The following GPC5 variants were observed in gnomAD, a reference collection of about 807,000 sequenced individuals.
The protein encoded by GPC5 is glypican 5.
A neutral mutation model predicts 53.9 loss-of-function variants in GPC5; 47 were observed. The observed-to-expected ratio is 0.87, with a 90% confidence interval of 0.69 to 1.11. The LOEUF (loss-of-function observed/expected upper bound fraction) is 1.11, where lower values mean the gene tolerates loss of function less well. GPC5 is among the 50% of genes most tolerant of loss of function. The probability of loss-of-function intolerance (pLI) is 0.00; values close to 1 mark genes in which losing one functional copy is unlikely to be tolerated. For synonymous variants in GPC5, 286 were observed against 263.3 expected, an observed-to-expected ratio of 1.09 and a Z score of -0.84; for missense variants, 748 against 713.1, an observed-to-expected ratio of 1.05 and a Z score of -0.56.
At chr13:92,797,716 A>G (rs1228272411) in intron 7 of GPC5, among the ~76,000 whole-genome samples, 1 of 151,870 alleles carries the variant, frequency 6.6e-6, no homozygotes, top group Non-Finnish European at 1.5e-5. Flanking sequence ...AATATTTCAA[A>G]TATATAGAGA....
chr13:91,813,186 C>T (rs1467787075), intron 5 of GPC5, among the ~76,000 whole-genome samples: 3 of 152,160 alleles, frequency 2.0e-5, no homozygotes, highest in East Asian at 3.8e-4. Flanking sequence ...TTTTTTGACA[C>T]ATATAAAACA....
At chr13:91,568,090 G>T (rs887503996) in intron 2 of GPC5, among the ~76,000 whole-genome samples, 1 of 152,126 alleles carries the variant, frequency 6.6e-6, no homozygotes. Context: ...TGCCATGATT[G>T]TACATTTCCT....
intron 7 of GPC5, among the ~76,000 whole-genome samples, chr13:92,656,630 A>G (rs1331461954): frequency 3.9e-5 from 6 of 152,226 alleles, no homozygotes; most frequent in South Asian, 2.1e-4. Flanking sequence ...GAATTAGCCT[A>G]CTTCTATTTA....
intron 7 of GPC5, among the ~76,000 whole-genome samples, chr13:92,734,774 C>G (rs1186417672): frequency 6.6e-6 from 1 of 151,868 alleles, no homozygotes; most frequent in Non-Finnish European, 1.5e-5. Flanking sequence ...AGTTTAGGTG[C>G]CTTTCTTCCT....
intron 6 of GPC5, among the ~76,000 whole-genome samples, chr13:91,910,590 T>C (rs1356559654): frequency 6.6e-6 from 1 of 152,190 alleles, no homozygotes; most frequent in Non-Finnish European, 1.5e-5. Context: ...TAGCAAAAAT[T>C]GCCTGCATAC....
chr13:92,088,286 G>C (rs1282658219), intron 6 of GPC5, among the ~76,000 whole-genome samples: 1 of 152,052 alleles, frequency 6.6e-6, no homozygotes, highest in Admixed American at 6.5e-5. Flanking sequence ...ATGATACAAT[G>C]TTCTCTAGTA....
rs1181362469 is a variant in GPC5 at position 91,721,137 on chromosome 13, C to CTTTCTTTCTTTCTTTCTTTG, written c.1021-7392_1021-7391insCTTTCTTTCTTTCTTTGTTT. On this transcript the variant is annotated intron_variant, in intron 3 of 7. Coordinates refer to ENST00000377067, the MANE Select transcript of GPC5 (RefSeq NM_004466.6). ...TCTTTCTTTCTTTCTTTCTTTCTTT[C>CTTTCTTTCTTTCTTTCTTTG]TTTTTTTGGGTGGGGGGACTGAGTT... Among the ~76,000 whole-genome samples the CTTTCTTTCTTTCTTTCTTTG allele has an allele frequency of 9.6e-4, 88 of 92,132 alleles. 2 individuals carry two copies. The highest frequency in any genetic ancestry group is 2.9e-3 in the African/African-American group (66 of 23,096). 60.4% of individuals were successfully genotyped at this position (92,132 alleles called of 152,430 possible). A position where few individuals can be genotyped will look rare whatever the true frequency, so the allele number is the denominator to read the frequency against.
intron 7 of GPC5, among the ~76,000 whole-genome samples, chr13:92,786,708 T>C (rs1411575126): frequency 6.6e-6 from 1 of 152,064 alleles, no homozygotes; most frequent in Non-Finnish European, 1.5e-5. Context: ...TGTAGCCACG[T>C]TCAAGGACAA....
At chr13:92,814,368 T>C (rs1349895790) in intron 7 of GPC5, among the ~76,000 whole-genome samples, 3 of 151,772 alleles carry the variant, frequency 2.0e-5, no homozygotes, top group Non-Finnish European at 4.4e-5. Context: ...AAATTAAAAA[T>C]AAACTTCATC....
At chr13:91,894,589 T>C (rs1353913716) in intron 5 of GPC5, among the ~76,000 whole-genome samples, 1 of 152,148 alleles carries the variant, frequency 6.6e-6, no homozygotes, top group Non-Finnish European at 1.5e-5. Flanking sequence ...ATCCTATAAA[T>C]CTTGTCAAGG....
At chr13:91,909,737 G>A (rs1416986107) in intron 6 of GPC5, among the ~76,000 whole-genome samples, 5 of 152,036 alleles carry the variant, frequency 3.3e-5, no homozygotes, top group African/African-American at 1.2e-4. Flanking sequence ...CACATTTACA[G>A]AGAAGAACAC....
intron 7 of GPC5, among the ~76,000 whole-genome samples, chr13:92,244,327 T>C (rs1180213024): frequency 1.3e-5 from 2 of 152,228 alleles, no homozygotes; most frequent in African/African-American, 4.8e-5. Context: ...AATTGTTATA[T>C]GATATTACGA....
At chr13:92,255,992 A>G (rs891492688) in intron 7 of GPC5, among the ~76,000 whole-genome samples, 2 of 152,064 alleles carry the variant, frequency 1.3e-5, no homozygotes, top group South Asian at 2.1e-4. Context: ...TTAAGGCTTT[A>G]TATTCTAAAT....
chr13:91,494,865 C>G (rs1278156773), intron 2 of GPC5, among the ~76,000 whole-genome samples: 1 of 152,140 alleles, frequency 6.6e-6, no homozygotes, highest in Non-Finnish European at 1.5e-5. Context: ...GGGTTCATTT[C>G]TTACTTATTT....
At chr13:92,548,249 T>C (rs1216551828) in intron 7 of GPC5, among the ~76,000 whole-genome samples, 4 of 151,952 alleles carry the variant, frequency 2.6e-5, no homozygotes, top group Admixed American at 6.6e-5. Context: ...TTGGTTTAAG[T>C]GGGAAAAATC....
intron 7 of GPC5, among the ~76,000 whole-genome samples, chr13:92,588,766 C>T (rs1883624269): frequency 6.6e-6 from 1 of 152,130 alleles, no homozygotes; most frequent in Non-Finnish European, 1.5e-5. Context: ...TTATAATTAT[C>T]TGAAAATTGT....
chr13:92,056,419 A>G (rs2041074975), intron 6 of GPC5, among the ~76,000 whole-genome samples: 1 of 152,156 alleles, frequency 6.6e-6, no homozygotes, highest in Non-Finnish European at 1.5e-5. Context: ...TTGCCATGTG[A>G]GGTAACATAC....
At chr13:91,669,047 A>G (rs1041022447) in intron 2 of GPC5, among the ~76,000 whole-genome samples, 4 of 152,214 alleles carry the variant, frequency 2.6e-5, no homozygotes, top group African/African-American at 4.8e-5. Flanking sequence ...ATATTGTGCA[A>G]TCCTGCATAG....
intron 5 of GPC5, among the ~76,000 whole-genome samples, chr13:91,793,617 CA>C (rs1336204748): frequency 6.6e-6 from 1 of 152,112 alleles, no homozygotes; most frequent in African/African-American, 2.4e-5. Flanking sequence ...TCCATTTTCA[CA>C]CTGCTATAAA....
Sources: allele counts gnomAD v4.1 joint callset (sites outside exome capture counted in the v4.1 genomes callset), GRCh38; gene constraint gnomAD v4.1.1; transcripts MANE v1.5; gene names NCBI Gene and HGNC (gene_info 2026-07-23, HGNC 2026-07-21).